Variants in NINL observed in about 807,000 individuals in gnomAD.
The protein encoded by NINL is ninein-like protein.
A neutral mutation model predicts 160.3 loss-of-function variants in NINL; 153 were observed. The ratio of observed to expected loss-of-function variants is 0.95; its 90% CI spans 0.84 to 1.09. The LOEUF (loss-of-function observed/expected upper bound fraction) is 1.09, where lower values mean the gene tolerates loss of function less well. Ranked by LOEUF, NINL falls within the 50% of genes least tolerant of loss-of-function variation. The probability of loss-of-function intolerance (pLI) is 0.00; values close to 1 mark genes in which losing one functional copy is unlikely to be tolerated. For missense variants in NINL, 1,829 were observed against 1,764.0 expected, an observed-to-expected ratio of 1.04 and a Z score of -0.66; for synonymous variants, 800 against 734.8, an observed-to-expected ratio of 1.09 and a Z score of -1.43.
In NINL at chr20:25,482,007, C is replaced by A. The variant is rs145878239; in HGVS notation, c.1771G>T (p.Asp591Tyr). 16 of 1,598,462 alleles carry A rather than the reference C, an allele frequency of 1.0e-5. No homozygotes were observed. Among genetic ancestry groups the A allele is most frequent in the Non-Finnish European group, 1.4e-5 (16 of 1,179,690 alleles). Reference sequence around the variant, plus strand: ...CCAGGGAGCTGCCGTCTGCGCCCATCCGGGCTCCATGAGGGGCTGTGCCGG... The same window carrying A: ...CCAGGGAGCTGCCGTCTGCGCCCATACGGGCTCCATGAGGGGCTGTGCCGG... ...KNRHSPSWSP[D>Y]GRRRQLPGLG... Residue 591 changes from aspartate to tyrosine, a missense_variant, in exon 14 of 24, where the codon GAT (aspartate) becomes TAT (tyrosine). Physicochemically the swap from Asp to Tyr is radical, Grantham distance 160. Coordinates refer to ENST00000278886, the MANE Select transcript of NINL (RefSeq NM_025176.6).
At chr20:25,568,949 G>C (rs1190619701) in intron 1 of NINL, among the ~76,000 whole-genome samples, 1 of 149,708 alleles carries the variant, frequency 6.7e-6, no homozygotes. Context: ...TTTTTTTCCT[G>C]CTGGGTGTGG....
chr20:25,575,507 C>T (rs896714009), intron 1 of NINL, among the ~76,000 whole-genome samples: 1 of 148,564 alleles, frequency 6.7e-6, no homozygotes, highest in Non-Finnish European at 1.5e-5. Flanking sequence ...AATCCCAGCA[C>T]TTTGGGAGGG....
intron 1 of NINL, among the ~76,000 whole-genome samples, chr20:25,569,733 G>T (rs541880951): frequency 8.5e-4 from 129 of 152,338 alleles, no homozygotes; most frequent in African/African-American, 3.0e-3. Context: ...CAAGCACGGA[G>T]GCGGAGGAAG....
At chr20:25,547,378 T>C (rs912388683) in intron 1 of NINL, among the ~76,000 whole-genome samples, 2 of 152,174 alleles carry the variant, frequency 1.3e-5, no homozygotes, top group African/African-American at 4.8e-5. Flanking sequence ...TCCTTGAGCT[T>C]TGCAAGCCAC....
At chr20:25,456,052 T>C (rs2090667173) in intron 22 of NINL, among the ~76,000 whole-genome samples, 1 of 149,758 alleles carries the variant, frequency 6.7e-6, no homozygotes, top group African/African-American at 2.5e-5. Flanking sequence ...CACTCCAGCC[T>C]AGGTGACAGA....
chr20:25,492,392 G>A (rs2063659322), intron 10 of NINL, among the ~76,000 whole-genome samples: 2 of 152,096 alleles, frequency 1.3e-5, no homozygotes, highest in Non-Finnish European at 2.9e-5. Context: ...AATTATGGCA[G>A]ATCCACACAA....
intron 1 of NINL, among the ~76,000 whole-genome samples, chr20:25,559,303 C>T (rs918432632): frequency 3.9e-5 from 6 of 151,950 alleles, no homozygotes; most frequent in Admixed American, 2.0e-4. Context: ...TGCAGTGGCG[C>T]GATCTCGGCT....
intron 1 of NINL, among the ~76,000 whole-genome samples, chr20:25,578,842 A>AAAATT (rs1352340305): frequency 1.3e-5 from 2 of 151,796 alleles, no homozygotes; most frequent in African/African-American, 4.8e-5. Context: ...AAGCTCAAGC[A>AAAATT]AAATTAAATT....
At chr20:25,478,757 A>G (rs935550500) in intron 16 of NINL, 166 bp downstream of exon 16, 1 of 654,012 alleles carries the variant, frequency 1.5e-6, no homozygotes, top group African/African-American at 1.8e-5. Context: ...TCAGAGCCAG[A>G]ATCCTCATGC....
chr20:25,513,487 C>G (rs1209644602), intron 3 of NINL, among the ~76,000 whole-genome samples: 2 of 152,228 alleles, frequency 1.3e-5, no homozygotes, highest in Non-Finnish European at 2.9e-5. Flanking sequence ...ACAGAGTCAT[C>G]ATGAGCCTTA....
intron 1 of NINL, among the ~76,000 whole-genome samples, chr20:25,534,701 C>G (rs1209844182): frequency 4.6e-5 from 7 of 152,164 alleles, no homozygotes; most frequent in Non-Finnish European, 7.3e-5. Context: ...TGGTATATGA[C>G]TATATGTACT....
intron 18 of NINL, among the ~76,000 whole-genome samples, chr20:25,469,517 C>T (rs989620635): frequency 5.9e-5 from 9 of 151,432 alleles, no homozygotes; most frequent in South Asian, 4.2e-4. Context: ...ACCCTCCCCA[C>T]GCCCATCCCC....
intron 19 of NINL, among the ~76,000 whole-genome samples, chr20:25,466,456 T>A (rs760891562): frequency 6.6e-6 from 1 of 152,212 alleles, no homozygotes; most frequent in Admixed American, 6.5e-5. Context: ...ATGTGGATGA[T>A]CACTCTATAT....
intron 21 of NINL, among the ~76,000 whole-genome samples, chr20:25,460,771 G>GC (rs1240954443): frequency 6.6e-6 from 1 of 152,160 alleles, no homozygotes; most frequent in African/African-American, 2.4e-5. Flanking sequence ...GCCAGCGCCG[G>GC]GGGGGACCAG....
At chr20:25,482,516 T>A (rs1186243970) in intron 13 of NINL, among the ~76,000 whole-genome samples, 1 of 151,876 alleles carries the variant, frequency 6.6e-6, no homozygotes, top group Non-Finnish European at 1.5e-5. Context: ...TTAATTTATT[T>A]ATTTTTCTAT....
chr20:25,505,079 C>G lies in NINL; in HGVS notation c.518-1G>C. Reference sequence around the variant, plus strand: ...TCAGAATCCCAGGTCTGCAGCTGTCCTGAAGCAAGGGAGGAGTCACAGTTA... The same window carrying G: ...TCAGAATCCCAGGTCTGCAGCTGTCGTGAAGCAAGGGAGGAGTCACAGTTA... On this transcript the variant is annotated splice_acceptor_variant, in intron 5 of 23. Transcript: ENST00000278886. LOFTEE classifies it high-confidence loss of function. 1 of 1,575,688 alleles carries G rather than the reference C, an allele frequency of 6.3e-7. No individual in the cohort carries two copies. The highest frequency in any genetic ancestry group is 8.6e-7 in the Non-Finnish European group (1 of 1,160,504).
intron 4 of NINL, among the ~76,000 whole-genome samples, chr20:25,511,217 A>G (rs956511263): frequency 2.0e-5 from 3 of 152,118 alleles, no homozygotes; most frequent in Non-Finnish European, 2.9e-5. Context: ...CTCACCAACC[A>G]TATCAGTTCA....
chr20:25,472,686 G>C (rs572771590), intron 17 of NINL, among the ~76,000 whole-genome samples: 65 of 152,030 alleles, frequency 4.3e-4, no homozygotes, highest in African/African-American at 1.4e-3. Context: ...GTGCCACCAT[G>C]TGTGACTAAT....
chr20:25,471,495 C>A (rs1355404441), intron 17 of NINL, among the ~76,000 whole-genome samples: 1 of 152,092 alleles, frequency 6.6e-6, no homozygotes. Context: ...CTGAGGGGTG[C>A]CCTACCCCAT....
Sources: gnomAD v4.1 joint callset for allele counts (sites outside exome capture counted in the v4.1 genomes callset) on GRCh38, gnomAD v4.1.1 for gene constraint, MANE v1.5 for transcripts, NCBI Gene and HGNC (gene_info 2026-07-23, HGNC 2026-07-21) for gene names.